Variants in CD247 observed in about 807,000 individuals in gnomAD.
The protein encoded by CD247 is CD247 molecule.
CD247 carries 13 observed loss-of-function variants against 30.0 expected under a neutral mutation model. That is an observed-to-expected ratio of 0.43 (90% CI 0.28 to 0.69). The LOEUF (loss-of-function observed/expected upper bound fraction) is 0.69, where lower values mean the gene tolerates loss of function less well. CD247 is among the 30% of genes least tolerant of loss of function. CD247 has a pLI of 0.16. For synonymous variants in CD247, 72 were observed against 80.0 expected (o/e 0.90, Z 0.53); for missense variants, 193 against 212.6 (o/e 0.91, Z 0.57).
chr1:167,480,889 T>G (rs934371629), intron 1 of CD247, among the ~76,000 whole-genome samples: 2 of 152,304 alleles, frequency 1.3e-5, no homozygotes, highest in African/African-American at 4.8e-5. Context: ...GTGATAAAAC[T>G]CTAAGATTTA....
intron 1 of CD247, among the ~76,000 whole-genome samples, chr1:167,463,095 A>G (rs1653094718): frequency 6.6e-6 from 1 of 152,030 alleles, no homozygotes; most frequent in Non-Finnish European, 1.5e-5. Flanking sequence ...CCATCCCAGG[A>G]ACCCTTCCTG....
chr1:167,479,814 C>A (rs1653899418), intron 1 of CD247, among the ~76,000 whole-genome samples: 1 of 152,212 alleles, frequency 6.6e-6, no homozygotes. Context: ...GAGGTTGCTC[C>A]AGGGGCACTG....
At chr1:167,504,088 C>T (rs888018101) in intron 1 of CD247, among the ~76,000 whole-genome samples, 29 of 152,152 alleles carry the variant, frequency 1.9e-4, no homozygotes, top group African/African-American at 5.8e-4. Flanking sequence ...ATAGGCAATG[C>T]GGTTCATGGC....
intron 1 of CD247, among the ~76,000 whole-genome samples, chr1:167,469,438 G>A (rs911613422): frequency 6.6e-5 from 10 of 152,306 alleles, no homozygotes; most frequent in South Asian, 4.1e-4. Context: ...GAAGGAAATC[G>A]AGTCTTTCCC....
At chr1:167,486,400 C>G (rs1337632507) in intron 1 of CD247, among the ~76,000 whole-genome samples, 2 of 152,166 alleles carry the variant, frequency 1.3e-5, no homozygotes, top group Non-Finnish European at 2.9e-5. Context: ...AGGGACTGGA[C>G]AATTTCGGAG....
In CD247 at chr1:167,469,749, C is replaced by T. The variant is rs570751891; in HGVS notation, c.59-28982G>A. On this transcript the variant is annotated intron_variant, in intron 1 of 7. Coordinates refer to ENST00000362089, the MANE Select transcript of CD247 (RefSeq NM_198053.3). ...AGTCATTACAGAGCTGTTTGAAAGC[C>T]TGTGATTGGCCTCCTATGGTCACTG... Among the ~76,000 whole-genome samples, 87 of 152,130 alleles carry T rather than the reference C, an allele frequency of 5.7e-4. 1 individual carries two copies. Among genetic ancestry groups the T allele is most frequent in the African/African-American group, 2.0e-3 (82 of 41,492 alleles).
Position 167,504,254 on chromosome 1 carries a change from A to C in CD247, c.58+14154T>G, listed in dbSNP as rs544350939. Among the ~76,000 whole-genome samples the C allele has an allele frequency of 2.6e-4, 40 of 152,098 alleles. No individual in the cohort carries two copies. The South Asian group carries it at 8.1e-3, about 31-fold the overall frequency. On this transcript the variant is annotated intron_variant, in intron 1 of 7. Transcript: ENST00000362089. ...AATGCATGCAAACAGCACATAAAAC[A>C]AGCCCCGGCATCACAAGTGTTCACA...
intron 1 of CD247, 82 bp from the exon 2 acceptor site, chr1:167,440,849 G>C: frequency 1.2e-6 from 1 of 821,176 alleles, no homozygotes; most frequent in South Asian, 1.4e-5. Context: ...CACTAGGACT[G>C]ACTGACCAAA....
At chr1:167,431,965 C>T (rs946055022) in intron 7 of CD247, among the ~76,000 whole-genome samples, 29 of 152,198 alleles carry the variant, frequency 1.9e-4, no homozygotes, top group African/African-American at 6.8e-4. Flanking sequence ...AATGGCCTTG[C>T]AGCAACTCCT....
chr1:167,515,882 T>C (rs571811370), intron 1 of CD247, among the ~76,000 whole-genome samples: 50 of 152,366 alleles, frequency 3.3e-4, no homozygotes, highest in Admixed American at 1.2e-3. Flanking sequence ...AATACAATGT[T>C]TACTTATTGG....
intron 1 of CD247, among the ~76,000 whole-genome samples, chr1:167,462,140 G>A (rs1476660588): frequency 6.6e-6 from 1 of 152,166 alleles, no homozygotes; most frequent in African/African-American, 2.4e-5. Context: ...CCTGCATGGA[G>A]CCCAGGCCCT....
chr1:167,507,458 G>A (rs1030871047), intron 1 of CD247, among the ~76,000 whole-genome samples: 3 of 152,076 alleles, frequency 2.0e-5, no homozygotes, highest in African/African-American at 7.2e-5. Flanking sequence ...CCAATTAGAA[G>A]GTTAGATTTC....
chr1:167,466,846 T>TA (rs1384344078), intron 1 of CD247, among the ~76,000 whole-genome samples: 2 of 151,366 alleles, frequency 1.3e-5, no homozygotes, highest in African/African-American at 4.8e-5. Context: ...TCCTCTTCTT[T>TA]TTTTTTTTTT....
In CD247 at chr1:167,486,224, C is replaced by T. The variant is rs541990376; in HGVS notation, c.58+32184G>A. 1.1e-4 allele frequency among the ~76,000 whole-genome samples: 16 copies of T among 152,354 alleles called. No individual in the cohort carries two copies. In the South Asian group the frequency reaches 3.1e-3, roughly 30 times the overall value. ...GGTTTGGTTCTTGCACCAGCCCCCTCGGTTGTCAAATGAGAAGTCAAATTC... is the reference window on the plus strand; with the variant it reads ...GGTTTGGTTCTTGCACCAGCCCCCTTGGTTGTCAAATGAGAAGTCAAATTC... On this transcript the variant is annotated intron_variant, in intron 1 of 7. Coordinates refer to ENST00000362089, the MANE Select transcript of CD247 (RefSeq NM_198053.3).
intron 1 of CD247, among the ~76,000 whole-genome samples, chr1:167,481,982 T>G (rs1458513427): frequency 6.6e-6 from 1 of 152,164 alleles, no homozygotes; most frequent in Non-Finnish European, 1.5e-5. Context: ...CTGTGTGTGA[T>G]CCCTGCCTAA....
intron 1 of CD247, among the ~76,000 whole-genome samples, chr1:167,510,385 A>C (rs1168107651): frequency 6.6e-6 from 1 of 152,180 alleles, no homozygotes; most frequent in Non-Finnish European, 1.5e-5. Context: ...CAACCACCAG[A>C]GCCTATGGGT....
intron 1 of CD247, among the ~76,000 whole-genome samples, chr1:167,472,451 TCACA>T (rs1653571176): frequency 6.6e-6 from 1 of 152,254 alleles, no homozygotes; most frequent in African/African-American, 2.4e-5. Context: ...TTGTATGCAC[TCACA>T]CACAGTGTGT....
At chr1:167,497,643 G>T (rs1462701651) in intron 1 of CD247, among the ~76,000 whole-genome samples, 2 of 152,160 alleles carry the variant, frequency 1.3e-5, no homozygotes, top group Admixed American at 1.3e-4. Context: ...GGATGAGGAT[G>T]CATCCTGGCA....
intron 5 of CD247, 101 bp from the exon 6 acceptor site, chr1:167,434,177 TGGCAGACAGGGAG>T: frequency 9.4e-7 from 1 of 1,067,362 alleles, no homozygotes; most frequent in Non-Finnish European, 1.5e-6. Flanking sequence ...TTGGCAGCAG[TGGCAGACAGGGAG>T]GGCTCCCACA....
Sources: gnomAD v4.1 joint callset for allele counts (sites outside exome capture counted in the v4.1 genomes callset) on GRCh38, gnomAD v4.1.1 for gene constraint, MANE v1.5 for transcripts, NCBI Gene and HGNC (gene_info 2026-07-23, HGNC 2026-07-21) for gene names.